Variants in HSDL2 observed in about 807,000 individuals in gnomAD.
HSDL2 encodes hydroxysteroid dehydrogenase like 2.
HSDL2 carries 27 observed loss-of-function variants against 46.3 expected under a neutral mutation model. The ratio of observed to expected loss-of-function variants is 0.58; its 90% CI spans 0.43 to 0.80. HSDL2 has a LOEUF of 0.80. Among genes scored for constraint, HSDL2 ranks in the 30% least tolerant of loss-of-function variants. The probability of loss-of-function intolerance (pLI) is 0.00; values close to 1 mark genes in which losing one functional copy is unlikely to be tolerated. For synonymous variants in HSDL2, 153 were observed against 163.6 expected, an observed-to-expected ratio of 0.94 and a Z score of 0.50; for missense variants, 451 against 502.7, an observed-to-expected ratio of 0.90 and a Z score of 0.98.
chr9:112,452,129 G>A (rs916320903), intron 8 of HSDL2, among the ~76,000 whole-genome samples: 4 of 152,098 alleles, frequency 2.6e-5, no homozygotes, highest in African/African-American at 9.7e-5. Flanking sequence ...ATATCTGTTC[G>A]TACTTTAACT....
intron 10 of HSDL2, among the ~76,000 whole-genome samples, chr9:112,463,119 G>A (rs1833262137): frequency 6.6e-6 from 1 of 152,092 alleles, no homozygotes; most frequent in Non-Finnish European, 1.5e-5. Flanking sequence ...CACTTGGATT[G>A]TTTCAAGTTT....
chr9:112,387,512 G>A (rs995219088), intron 1 of HSDL2, among the ~76,000 whole-genome samples: 5 of 152,144 alleles, frequency 3.3e-5, no homozygotes, highest in Admixed American at 1.3e-4. Flanking sequence ...GAGCCACCAT[G>A]CCTACCTAGG....
chr9:112,417,932 G>A (rs1220336750), intron 5 of HSDL2, among the ~76,000 whole-genome samples: 1 of 151,996 alleles, frequency 6.6e-6, no homozygotes, highest in Non-Finnish European at 1.5e-5. Context: ...ACAAAAATTA[G>A]CTGGGCATGG....
intron 1 of HSDL2, among the ~76,000 whole-genome samples, chr9:112,389,885 C>G (rs749340593): frequency 6.6e-5 from 10 of 151,838 alleles, no homozygotes; most frequent in Non-Finnish European, 1.5e-5. Flanking sequence ...GCCAACATGG[C>G]AAAACCCTGT....
At chr9:112,397,044 A>G (rs539625545) in intron 1 of HSDL2, among the ~76,000 whole-genome samples, 4 of 152,326 alleles carry the variant, frequency 2.6e-5, no homozygotes, top group South Asian at 4.1e-4. Context: ...TACTTGCCCA[A>G]TGTTTGCCTT....
At chr9:112,468,544 T>C (rs890699505) in intron 10 of HSDL2, among the ~76,000 whole-genome samples, 2 of 152,054 alleles carry the variant, frequency 1.3e-5, no homozygotes, top group African/African-American at 2.4e-5. Flanking sequence ...CCATCCCCTC[T>C]CCTTCCCTGG....
At chr9:112,412,669 CTCTT>C (rs1164903030) in intron 4 of HSDL2, among the ~76,000 whole-genome samples, 2 of 152,180 alleles carry the variant, frequency 1.3e-5, no homozygotes, top group Non-Finnish European at 2.9e-5. Context: ...ATGTATAAGT[CTCTT>C]TGTTTTTTCC....
chr9:112,429,057 C>T (rs1202729892), intron 6 of HSDL2, among the ~76,000 whole-genome samples: 1 of 152,146 alleles, frequency 6.6e-6, no homozygotes, highest in East Asian at 1.9e-4. Context: ...GGCCACCATG[C>T]CCAGCTAATT....
intron 10 of HSDL2, among the ~76,000 whole-genome samples, chr9:112,462,606 G>GTGTGTA (rs967630721): frequency 7.8e-4 from 12 of 15,374 alleles, no homozygotes; most frequent in Non-Finnish European, 1.1e-3. Context: ...GGGGATGTGT[G>GTGTGTA]TGTGTGTGTG....
chr9:112,381,088 TACACAC>T (rs111459650), intron 1 of HSDL2, among the ~76,000 whole-genome samples: 18 of 134,250 alleles, frequency 1.3e-4, no homozygotes, highest in African/African-American at 5.1e-4. Flanking sequence ...TACATCCGGA[TACACAC>T]ACACACACAC....
At chr9:112,445,695 TG>T (rs1832742520) in intron 8 of HSDL2, among the ~76,000 whole-genome samples, 1 of 152,146 alleles carries the variant, frequency 6.6e-6, no homozygotes, top group Non-Finnish European at 1.5e-5. Context: ...CGGCTAATTT[TG>T]TATTTTTAGT....
intron 9 of HSDL2, among the ~76,000 whole-genome samples, chr9:112,457,667 C>G (rs771850025): frequency 1.3e-5 from 2 of 152,116 alleles, no homozygotes; most frequent in Non-Finnish European, 2.9e-5. Flanking sequence ...ATCAAGCAAT[C>G]TGCTGTTCTT....
intron 6 of HSDL2, among the ~76,000 whole-genome samples, chr9:112,436,638 C>T (rs1405457679): frequency 2.0e-5 from 3 of 152,000 alleles, no homozygotes; most frequent in Non-Finnish European, 4.4e-5. Context: ...ACTCACAAAC[C>T]TAAGTACATT....
intron 6 of HSDL2, among the ~76,000 whole-genome samples, chr9:112,434,500 C>G (rs1832475514): frequency 6.6e-6 from 1 of 152,208 alleles, no homozygotes; most frequent in African/African-American, 2.4e-5. Context: ...TTCTGACATG[C>G]CCATGCTTTA....
At chr9:112,418,331 C>G (rs946619139) in intron 5 of HSDL2, among the ~76,000 whole-genome samples, 1 of 151,668 alleles carries the variant, frequency 6.6e-6, no homozygotes, top group African/African-American at 2.4e-5. Flanking sequence ...ACCTGTAATC[C>G]CAGCACTTTG....
At position 112,448,126 on chromosome 9, in the gene HSDL2, A is replaced by ACAT. The variant is rs147484300; in HGVS notation, c.866-5883_866-5881dup. 5.7e-3 allele frequency among the ~76,000 whole-genome samples: 864 copies of ACAT among 152,312 alleles called. 13 individuals carry two copies. The highest frequency in any genetic ancestry group is 0.02 in the African/African-American group (826 of 41,574). ...TATTGTGAGGAATAAGAGTGATGGTACATCATATTGTACATTTGATGCAGG... is the reference window on the plus strand; with the variant it reads ...TATTGTGAGGAATAAGAGTGATGGTACATCATCATATTGTACATTTGATGCAGG... On this transcript the variant is annotated intron_variant, in intron 8 of 10. Transcript: ENST00000398805.
chr9:112,458,202 C>A (rs1269018421), intron 9 of HSDL2, among the ~76,000 whole-genome samples: 2 of 152,102 alleles, frequency 1.3e-5, no homozygotes, highest in East Asian at 3.8e-4. Flanking sequence ...CTACCCTGTC[C>A]ATCTAGCTAA....
intron 4 of HSDL2, among the ~76,000 whole-genome samples, chr9:112,409,928 ACT>A (rs774430847): frequency 7.2e-5 from 11 of 151,804 alleles, no homozygotes; most frequent in Non-Finnish European, 1.0e-4. Flanking sequence ...TTACATGTAT[ACT>A]CTGTCTTTCA....
intron 6 of HSDL2, among the ~76,000 whole-genome samples, chr9:112,424,926 G>T (rs554079054): frequency 2.5e-4 from 38 of 151,906 alleles, no homozygotes; most frequent in African/African-American, 8.9e-4. Flanking sequence ...GAAGTTTTCT[G>T]CAGATTCTCC....
Sources: gnomAD v4.1 joint callset for allele counts (sites outside exome capture counted in the v4.1 genomes callset) on GRCh38, gnomAD v4.1.1 for gene constraint, MANE v1.5 for transcripts, NCBI Gene and HGNC (gene_info 2026-07-23, HGNC 2026-07-21) for gene names.